Variants in MAPK10 observed in about 807,000 individuals in gnomAD.
The protein encoded by MAPK10 is mitogen-activated protein kinase 10.
Under a neutral mutation model 59.3 loss-of-function variants are expected in MAPK10, and 25 were observed. That is an observed-to-expected ratio of 0.42 (90% CI 0.31 to 0.59). The LOEUF (loss-of-function observed/expected upper bound fraction) is 0.59, where lower values mean the gene tolerates loss of function less well. Ranked by LOEUF, MAPK10 falls within the 20% of genes least tolerant of loss-of-function variation. MAPK10 has a pLI of 0.15. For synonymous variants in MAPK10, 190 were observed against 200.5 expected (o/e 0.95, Z 0.44); for missense variants, 351 against 568.9 (o/e 0.62, Z 3.90).
chr4:86,271,586 G>A (rs143947964), intron 2 of MAPK10, among the ~76,000 whole-genome samples: 1 of 151,980 alleles, frequency 6.6e-6, no homozygotes, highest in African/African-American at 2.4e-5. Flanking sequence ...CCACTCTCAC[G>A]CTGCTAATAA....
chr4:86,111,766 C>T (rs1007427975), intron 4 of MAPK10, among the ~76,000 whole-genome samples: 1 of 152,164 alleles, frequency 6.6e-6, no homozygotes, highest in Non-Finnish European at 1.5e-5. Flanking sequence ...AAGAGTCCCT[C>T]CTTTTCAATT....
rs142816508 is a variant in MAPK10, at chr4:86,314,365, T to A, written c.-7+40165A>T. 5.3e-5 allele frequency among the ~76,000 whole-genome samples: 8 copies of A among 152,284 alleles called. No individual in the cohort carries two copies. In the East Asian group the frequency reaches 1.5e-3, roughly 29 times the overall value. On this transcript the variant is annotated intron_variant, in intron 2 of 13. Transcript: ENST00000641462. ...AACCCGGTGGGAGATAATTGAACTA[T>A]GGGGACAGTTTCCCCCATACTGTTC...
intron 1 of MAPK10, among the ~76,000 whole-genome samples, chr4:86,461,889 C>T (rs114095005): frequency 0.018 from 2,751 of 152,304 alleles, 88 homozygotes; most frequent in African/African-American, 0.064. Flanking sequence ...GCAAGCTAAA[C>T]GAAAGGATGA....
intron 4 of MAPK10, among the ~76,000 whole-genome samples, chr4:86,133,026 G>A (rs1003203935): frequency 6.6e-6 from 1 of 152,104 alleles, no homozygotes; most frequent in Non-Finnish European, 1.5e-5. Context: ...CACGAAATCG[G>A]TCCCTGGTGC....
At chr4:86,065,413 TA>T (rs1340151377) in intron 10 of MAPK10, 2 of 152,252 alleles carry the variant, frequency 1.3e-5, no homozygotes, top group East Asian at 3.8e-4. Context: ...CTATATTATG[TA>T]AAGGTTATCA....
At chr4:86,316,011 C>T (rs1181269653) in intron 2 of MAPK10, among the ~76,000 whole-genome samples, 1 of 152,120 alleles carries the variant, frequency 6.6e-6, no homozygotes, top group Non-Finnish European at 1.5e-5. Context: ...TCTTAAATGA[C>T]ATTTGTCTAT....
At chr4:86,210,942 G>T (rs2085617480) in intron 2 of MAPK10, among the ~76,000 whole-genome samples, 1 of 151,260 alleles carries the variant, frequency 6.6e-6, no homozygotes, top group South Asian at 2.1e-4. Flanking sequence ...GAAGTGAAGT[G>T]AAAAAAAATT....
rs184739746 is a variant in MAPK10, at chr4:86,265,087, C to T, written c.-6-70680G>A. 8.4e-3 allele frequency among the ~76,000 whole-genome samples: 1,273 copies of T among 152,014 alleles called. 12 individuals carry two copies. Among genetic ancestry groups the T allele is most frequent in the African/African-American group, 0.028 (1,166 of 41,476 alleles). On this transcript the variant is annotated intron_variant, in intron 2 of 13. Coordinates refer to ENST00000641462, the MANE Select transcript of MAPK10 (RefSeq NM_138982.4). ...TGTATTTTTGGTAGAGACAGGGTTT[C>T]ACCATGTTGGCCAGGATGGTCTCGA...
intron 1 of MAPK10, among the ~76,000 whole-genome samples, chr4:86,504,061 C>T (rs1207756429): frequency 6.6e-6 from 1 of 151,734 alleles, no homozygotes; most frequent in Non-Finnish European, 1.5e-5. Flanking sequence ...AGTAACATTC[C>T]CCCCAGCCTA....
At chr4:86,546,981 G>A (rs1228598187) in intron 1 of MAPK10, among the ~76,000 whole-genome samples, 8 of 152,082 alleles carry the variant, frequency 5.3e-5, no homozygotes, top group African/African-American at 1.4e-4. Flanking sequence ...GTGTGAACCC[G>A]GAAGGTGGAG....
intron 1 of MAPK10, among the ~76,000 whole-genome samples, chr4:86,564,372 G>C (rs1760907163): frequency 6.6e-6 from 1 of 152,156 alleles, no homozygotes; most frequent in Non-Finnish European, 1.5e-5. Context: ...CAAAAGAAGA[G>C]GAAAAGGACC....
chr4:86,225,875 C>A (rs1317808358), intron 2 of MAPK10, among the ~76,000 whole-genome samples: 1 of 152,152 alleles, frequency 6.6e-6, no homozygotes, highest in Non-Finnish European at 1.5e-5. Context: ...GTTTTCTAAG[C>A]CTATCTCCCC....
chr4:86,432,454 A>G (rs1051963368), intron 1 of MAPK10, among the ~76,000 whole-genome samples: 1 of 151,854 alleles, frequency 6.6e-6, no homozygotes, highest in African/African-American at 2.4e-5. Flanking sequence ...TTATTTTTGT[A>G]TTTTTGGTAG....
intron 1 of MAPK10, among the ~76,000 whole-genome samples, chr4:86,518,823 T>C (rs1756904147): frequency 6.6e-6 from 1 of 152,150 alleles, no homozygotes; most frequent in Non-Finnish European, 1.5e-5. Context: ...TCACTATTAT[T>C]GTTCAGTTCA....
intron 1 of MAPK10, among the ~76,000 whole-genome samples, chr4:86,398,047 T>A (rs1743198873): frequency 6.6e-6 from 1 of 151,886 alleles, no homozygotes; most frequent in African/African-American, 2.4e-5. Context: ...CTCCTAACAC[T>A]AGTCTTCAAC....
chr4:86,205,868 T>A (rs1194462595), intron 2 of MAPK10, among the ~76,000 whole-genome samples: 2 of 151,936 alleles, frequency 1.3e-5, no homozygotes, highest in Non-Finnish European at 2.9e-5. Flanking sequence ...TCATATTTAA[T>A]GATGAAAACA....
chr4:86,359,638 A>T lies in MAPK10; in HGVS notation c.-122+20T>A. 1.0e-6 allele frequency: 1 copy of T among 982,548 alleles called. No individual in the cohort carries two copies. The highest frequency in any genetic ancestry group is 1.2e-6 in the Non-Finnish European group (1 of 826,958). The allele number at this position is 982,548 out of a possible 1,614,324, so 60.9% of individuals were successfully genotyped here. A position where few individuals can be genotyped will look rare whatever the true frequency, so the allele number is the denominator to read the frequency against. On this transcript the variant is annotated intron_variant, in intron 1 of 13. Coordinates refer to ENST00000641462, the MANE Select transcript of MAPK10 (RefSeq NM_138982.4). ...CTCCAAAAACAGGTTAGAACCCAGA[A>T]CGAGCAAAGAGCCACCTACCATTCC...
chr4:86,309,292 C>CT (rs1360518239), intron 2 of MAPK10, among the ~76,000 whole-genome samples: 2 of 152,190 alleles, frequency 1.3e-5, no homozygotes, highest in Non-Finnish European at 2.9e-5. Context: ...GTGAATATCT[C>CT]TGCCTTTCCA....
intron 1 of MAPK10, among the ~76,000 whole-genome samples, chr4:86,421,790 C>G (rs1037120969): frequency 6.6e-6 from 1 of 152,138 alleles, no homozygotes; most frequent in African/African-American, 2.4e-5. Context: ...TAAGTAGGAT[C>G]GTGCCGCTCC....
Sources: gnomAD v4.1 joint callset for allele counts (sites outside exome capture counted in the v4.1 genomes callset) on GRCh38, gnomAD v4.1.1 for gene constraint, MANE v1.5 for transcripts, NCBI Gene and HGNC (gene_info 2026-07-23, HGNC 2026-07-21) for gene names.